The following FRMPD1 variants were observed in gnomAD, a reference collection of about 807,000 sequenced individuals.
The protein encoded by FRMPD1 is FERM and PDZ domain-containing protein 1.
FRMPD1 carries 76 observed loss-of-function variants against 117.8 expected under a neutral mutation model. The observed-to-expected ratio is 0.65, with a 90% CI of 0.54 to 0.78. FRMPD1 has a LOEUF of 0.78. Among genes scored for constraint, FRMPD1 ranks in the 30% least tolerant of loss-of-function variants. FRMPD1 has a pLI of 0.00. For synonymous variants in FRMPD1, 783 were observed against 770.4 expected (o/e 1.02, Z -0.27); for missense variants, 1,786 against 1,964.5 (o/e 0.91, Z 1.72).
intron 1 of FRMPD1, among the ~76,000 whole-genome samples, chr9:37,658,669 C>T (rs542793038): frequency 6.6e-6 from 1 of 152,158 alleles, no homozygotes; most frequent in Non-Finnish European, 1.5e-5. Context: ...CCTCCCTGGT[C>T]ACGTTGCCTC....
At chr9:37,635,282 A>G in the FRMPD1 span, among the ~76,000 whole-genome samples, 1 of 152,188 alleles carries the variant, frequency 6.6e-6, no homozygotes, top group African/African-American at 2.4e-5. Context: ...GAGCCATTTT[A>G]TATACCATTA....
At chr9:37,655,412 AGTCCCG>A (rs1820810046) in intron 1 of FRMPD1, among the ~76,000 whole-genome samples, 1 of 151,396 alleles carries the variant, frequency 6.6e-6, no homozygotes, top group African/African-American at 2.4e-5. Flanking sequence ...TGGATACTGA[AGTCCCG>A]AGTCCTCAGC....
the FRMPD1 span, among the ~76,000 whole-genome samples, chr9:37,616,028 G>A: frequency 0.013 from 1,961 of 151,750 alleles, 36 homozygotes; most frequent in African/African-American, 0.046. Context: ...TGTTGGTCAG[G>A]CTGGTCTTGA....
intron 2 of FRMPD1, among the ~76,000 whole-genome samples, chr9:37,706,211 G>A (rs200160508): frequency 6.6e-6 from 1 of 151,984 alleles, no homozygotes; most frequent in African/African-American, 2.4e-5. Flanking sequence ...GTCAGGGCCT[G>A]GGGGGGATCC....
chr9:37,704,454 G>A (rs140443165), intron 2 of FRMPD1, among the ~76,000 whole-genome samples: 17 of 151,940 alleles, frequency 1.1e-4, no homozygotes, highest in Admixed American at 7.2e-4. Context: ...TTACGTATGC[G>A]GTGTGTATAT....
chr9:37,625,654 A>T, the FRMPD1 span, among the ~76,000 whole-genome samples: 1 of 152,302 alleles, frequency 6.6e-6, no homozygotes, highest in South Asian at 2.1e-4. Flanking sequence ...AAGCCAAAGG[A>T]CCTGGAAAAA....
chr9:37,739,973 C>T (rs1407566572), intron 14 of FRMPD1, 105 bp from the exon 15 acceptor site: 5 of 832,424 alleles, frequency 6.0e-6, no homozygotes, highest in Middle Eastern at 2.9e-4. Flanking sequence ...ACCCTCTGGC[C>T]CTCAGTTTTC....
At chr9:37,742,021 A>G (rs183516166) in intron 15 of FRMPD1, among the ~76,000 whole-genome samples, 5 of 152,336 alleles carry the variant, frequency 3.3e-5, no homozygotes, top group African/African-American at 1.2e-4. Flanking sequence ...TTACATATTT[A>G]CTTGTATGAT....
the FRMPD1 span, among the ~76,000 whole-genome samples, chr9:37,611,339 C>T: frequency 2.6e-5 from 4 of 152,136 alleles, no homozygotes; most frequent in African/African-American, 7.2e-5. Context: ...TGTGCTTCTG[C>T]GGACGGCCCC....
chr9:37,665,957 A>C (rs757453453), intron 1 of FRMPD1, among the ~76,000 whole-genome samples: 19 of 152,168 alleles, frequency 1.2e-4, no homozygotes, highest in Non-Finnish European at 2.6e-4. Context: ...GCAGAAAAAG[A>C]GATCAGAGTT....
At chr9:37,604,686 C>A in the FRMPD1 span, among the ~76,000 whole-genome samples, 1 of 152,168 alleles carries the variant, frequency 6.6e-6, no homozygotes, top group African/African-American at 2.4e-5. Context: ...TCCTGATGGA[C>A]AAGGCACCAG....
chr9:37,744,855 T>G lies in FRMPD1; in HGVS notation c.2823T>G (p.Ile941Met). The G allele has an allele frequency of 6.2e-7, 1 of 1,614,122 alleles. No individual in the cohort carries two copies. The highest frequency in any genetic ancestry group is 8.5e-7 in the Non-Finnish European group (1 of 1,179,954). The change falls in exon 16 of 16, where the codon ATT becomes ATG. Residue 941 changes from isoleucine to methionine, a missense_variant. Coordinates refer to ENST00000377765, the MANE Select transcript of FRMPD1 (RefSeq NM_014907.3). Reference sequence around the variant, plus strand: ...TCATCGACTCTCGAGTGTCTTCTATTTCTGCCATTCGCTTCCGGATTGACC... The same window carrying G: ...TCATCGACTCTCGAGTGTCTTCTATGTCTGCCATTCGCTTCCGGATTGACC... ...KSVIDSRVSS[I>M]SAIRFRIDPN...
chr9:37,636,416 A>G, the FRMPD1 span, among the ~76,000 whole-genome samples: 1 of 152,062 alleles, frequency 6.6e-6, no homozygotes, highest in African/African-American at 2.4e-5. Context: ...AAAGGTGTGT[A>G]GGGGGGGCAT....
At chr9:37,707,163 T>A (rs964985702) in intron 2 of FRMPD1, among the ~76,000 whole-genome samples, 1 of 152,232 alleles carries the variant, frequency 6.6e-6, no homozygotes, top group Non-Finnish European at 1.5e-5. Context: ...CCCTTCTCTG[T>A]GTGTCCATAG....
At chr9:37,637,308 C>A in the FRMPD1 span, 41 of 1,271,522 alleles carry the variant, frequency 3.2e-5, no homozygotes, top group Non-Finnish European at 4.3e-5. Context: ...GCGGCGGAAG[C>A]CCGCTCAGTC....
rs58458625 is a variant in FRMPD1 at position 37,701,510 on chromosome 9, C to CGTGTGTGTGTGTGTGT, written c.102-5889_102-5874dup. Reference sequence around the variant, plus strand: ...GTGTGCGCGCGTGTGTGTGCATGTACGTGTGTGTGTGTGTGTGTGTGTGTG... The same window carrying CGTGTGTGTGTGTGTGT: ...GTGTGCGCGCGTGTGTGTGCATGTACGTGTGTGTGTGTGTGTGTGTGTGTGTGTGTGTGTGTGTGTG... On this transcript the variant is annotated intron_variant, in intron 2 of 15. Transcript: ENST00000377765. 2.0e-3 allele frequency among the ~76,000 whole-genome samples: 301 copies of CGTGTGTGTGTGTGTGT among 146,908 alleles called. 1 individual carries two copies. The highest frequency in any genetic ancestry group is 7.0e-3 in the African/African-American group (276 of 39,200).
intron 5 of FRMPD1, among the ~76,000 whole-genome samples, chr9:37,715,200 T>C (rs1304329218): frequency 6.6e-6 from 1 of 152,224 alleles, no homozygotes; most frequent in African/African-American, 2.4e-5. Flanking sequence ...TGTAATAATA[T>C]TAATACCAGT....
the FRMPD1 span, among the ~76,000 whole-genome samples, chr9:37,609,043 C>A: frequency 4.6e-5 from 7 of 152,226 alleles, no homozygotes; most frequent in Non-Finnish European, 1.0e-4. Flanking sequence ...GTAATCCCAG[C>A]ACTTTGGGAG....
chr9:37,710,889 C>T (rs530018961), intron 4 of FRMPD1, among the ~76,000 whole-genome samples: 26 of 145,260 alleles, frequency 1.8e-4, no homozygotes, highest in African/African-American at 5.9e-4. Context: ...ACCCGGGAGG[C>T]GGAGGTTGCA....
Sources: allele counts gnomAD v4.1 joint callset (sites outside exome capture counted in the v4.1 genomes callset), GRCh38; gene constraint gnomAD v4.1.1; transcripts MANE v1.5; gene names NCBI Gene and HGNC (gene_info 2026-07-23, HGNC 2026-07-21).